Variants in CNTN4 observed in about 807,000 individuals in gnomAD.
CNTN4 encodes the protein contactin 4, also known as contactin-4.
A neutral mutation model predicts 122.5 loss-of-function variants in CNTN4; 77 were observed. The ratio of observed to expected loss-of-function variants is 0.63; its 90% CI spans 0.52 to 0.76. The LOEUF is 0.76. CNTN4 is among the 30% of genes least tolerant of loss of function. CNTN4 has a pLI of 0.00. For synonymous variants in CNTN4, 512 were observed against 447.0 expected (o/e 1.15, Z -1.83); for missense variants, 1,256 against 1,259.1 (o/e 1.00, Z 0.04).
chr3:2,787,984 T>C (rs988934024), intron 6 of CNTN4, among the ~76,000 whole-genome samples: 2 of 152,102 alleles, frequency 1.3e-5, no homozygotes, highest in Admixed American at 1.3e-4. Context: ...GAGACGGGGC[T>C]TCACCATGTT....
intron 3 of CNTN4, among the ~76,000 whole-genome samples, chr3:2,345,033 T>C (rs1485006122): frequency 6.6e-6 from 1 of 152,216 alleles, no homozygotes; most frequent in Non-Finnish European, 1.5e-5. Context: ...TGTGTTTCTC[T>C]TGGTAGTTGA....
At chr3:2,540,149 G>T (rs1033246425) in intron 3 of CNTN4, among the ~76,000 whole-genome samples, 3 of 151,910 alleles carry the variant, frequency 2.0e-5, no homozygotes, top group Non-Finnish European at 2.9e-5. Flanking sequence ...AATTGGGGTT[G>T]TAAGACCTAT....
chr3:2,851,222 C>G lies in CNTN4; in HGVS notation c.455-15530C>G, dbSNP rs149659357. On this transcript the variant is annotated intron_variant, in intron 7 of 24. Transcript: ENST00000418658. ...TTATGTCATAATCATCTTAATCCAT[C>G]TCTCGTGGATGTTAGTTTGCAGTTT... Among the ~76,000 whole-genome samples, 531 of 152,316 alleles carry G rather than the reference C, an allele frequency of 3.5e-3. 2 individuals carry two copies. Among genetic ancestry groups the G allele is most frequent in the South Asian group, 0.012 (56 of 4,830 alleles).
chr3:2,505,617 A>G (rs2076711961), intron 3 of CNTN4, among the ~76,000 whole-genome samples: 1 of 152,208 alleles, frequency 6.6e-6, no homozygotes, highest in Non-Finnish European at 1.5e-5. Flanking sequence ...GTGGCCATGC[A>G]CTTTAAAATT....
Position 2,573,813 on chromosome 3 carries a change from G to A in CNTN4, c.55+2255G>A, listed in dbSNP as rs541838130. 3.9e-5 allele frequency among the ~76,000 whole-genome samples: 6 copies of A among 152,190 alleles called. No homozygotes were observed. The East Asian group carries it at 9.7e-4, about 25-fold the overall frequency. ...CGGCATTAATATTCTCTTACCATAT[G>A]CCTTCTTCAGTGTAGGAAAGTCAAG... On this transcript the variant is annotated intron_variant, in intron 4 of 24. Transcript: ENST00000418658.
intron 2 of CNTN4, among the ~76,000 whole-genome samples, chr3:2,121,013 CTG>C (rs2033741332): frequency 6.6e-6 from 1 of 152,124 alleles, no homozygotes; most frequent in Non-Finnish European, 1.5e-5. Flanking sequence ...GAGGCTTTCT[CTG>C]CATCTGAAGC....
At chr3:3,001,392 G>A (rs188956573) in intron 14 of CNTN4, among the ~76,000 whole-genome samples, 2,096 of 151,514 alleles carry the variant, frequency 0.014, 18 homozygotes, top group Non-Finnish European at 0.022. Flanking sequence ...GATAAGGAGT[G>A]AGTAAGAGGA....
intron 3 of CNTN4, among the ~76,000 whole-genome samples, chr3:2,520,592 A>T (rs1190178605): frequency 6.6e-6 from 1 of 152,002 alleles, no homozygotes; most frequent in Non-Finnish European, 1.5e-5. Flanking sequence ...CTTTTTTAAA[A>T]AAACTTTTGA....
intron 7 of CNTN4, among the ~76,000 whole-genome samples, chr3:2,859,619 T>G (rs2093652683): frequency 6.6e-6 from 1 of 152,086 alleles, no homozygotes; most frequent in South Asian, 2.1e-4. Flanking sequence ...TTTCTCAAAC[T>G]TTCTCACTGA....
At chr3:2,697,015 T>G (rs976661892) in intron 4 of CNTN4, among the ~76,000 whole-genome samples, 8 of 152,216 alleles carry the variant, frequency 5.3e-5, no homozygotes, top group African/African-American at 1.7e-4. Flanking sequence ...TTTATTCAGT[T>G]TCGTATATCA....
intron 4 of CNTN4, among the ~76,000 whole-genome samples, chr3:2,703,602 T>C (rs1407547054): frequency 6.6e-6 from 1 of 152,132 alleles, no homozygotes; most frequent in East Asian, 1.9e-4. Flanking sequence ...AATCTAGAAA[T>C]TCCACATATT....
chr3:2,768,375 G>A (rs1291304763), intron 6 of CNTN4, among the ~76,000 whole-genome samples: 2 of 152,276 alleles, frequency 1.3e-5, no homozygotes, highest in South Asian at 2.1e-4. Context: ...TAGCAGGTAG[G>A]TAATCTGACT....
intron 2 of CNTN4, among the ~76,000 whole-genome samples, chr3:2,167,569 C>G (rs1477658320): frequency 6.6e-6 from 1 of 152,086 alleles, no homozygotes; most frequent in Non-Finnish European, 1.5e-5. Context: ...TAATACATCT[C>G]TCAGAATTGG....
rs2038724802 is a variant in CNTN4, at chr3:2,213,877, A to G, written c.-145+113238A>G. On this transcript the variant is annotated intron_variant, in intron 2 of 24. Transcript: ENST00000418658. ...TGCACACAACTTTTTAAAATGACAG[A>G]AGTTGGAATGAGGTTGGCAACAAAC... 2.0e-5 allele frequency among the ~76,000 whole-genome samples: 3 copies of G among 152,196 alleles called. No homozygotes were observed. The South Asian group carries it at 6.2e-4, about 31-fold the overall frequency.
At chr3:2,498,001 A>G (rs1307048437) in intron 3 of CNTN4, among the ~76,000 whole-genome samples, 9 of 152,132 alleles carry the variant, frequency 5.9e-5, no homozygotes, top group Non-Finnish European at 8.8e-5. Flanking sequence ...AATTAGAAAC[A>G]AATGAAGTAA....
intron 12 of CNTN4, 32 bp downstream of exon 12, chr3:2,903,037 T>TAA (rs772089188): frequency 6.2e-7 from 1 of 1,604,500 alleles, no homozygotes; most frequent in South Asian, 1.1e-5. Context: ...AAAAAAAAAT[T>TAA]AAAACTCTTT....
intron 13 of CNTN4, among the ~76,000 whole-genome samples, chr3:2,940,691 T>C (rs1236704055): frequency 2.0e-5 from 3 of 151,868 alleles, no homozygotes; most frequent in African/African-American, 7.3e-5. Context: ...CTCTGTTCTC[T>C]GTGGGTAGGA....
rs748041521 is a variant in CNTN4, at chr3:2,745,630, G to C, written c.291G>C (p.Thr97=). The C allele has an allele frequency of 8.1e-6, 13 of 1,614,002 alleles. No homozygotes were observed. Among genetic ancestry groups the C allele is most frequent in the Non-Finnish European group, 9.3e-6 (11 of 1,179,982 alleles). ...CCAATAAAACCCAAGATGCTGGAAC[G>C]TACCAGTGCACAGCGACAAACTCGT... The part of the protein sequence containing the change: ...NNPNKTQDAG[T]YQCTATNSFG... Residue 97 remains threonine, a synonymous_variant, in exon 6 of 25, where the codon ACG becomes ACC. Transcript: ENST00000418658.
intron 14 of CNTN4, among the ~76,000 whole-genome samples, chr3:2,989,289 G>A (rs1029427195): frequency 2.0e-5 from 3 of 152,086 alleles, no homozygotes; most frequent in African/African-American, 7.2e-5. Context: ...TCAAGGTCAC[G>A]AGTAGCAGGA....
Sources: gnomAD v4.1 joint callset for allele counts (sites outside exome capture counted in the v4.1 genomes callset) on GRCh38, gnomAD v4.1.1 for gene constraint, MANE v1.5 for transcripts, NCBI Gene and HGNC (gene_info 2026-07-23, HGNC 2026-07-21) for gene names.